The following RBL2 variants were observed in gnomAD, a reference collection of about 807,000 sequenced individuals.
RBL2 encodes retinoblastoma-like protein 2.
A neutral mutation model predicts 126.0 loss-of-function variants in RBL2; 56 were observed. That is an observed-to-expected ratio of 0.44 (90% CI 0.36 to 0.56). The LOEUF is 0.56. Ranked by LOEUF, RBL2 falls within the 20% of genes least tolerant of loss-of-function variation. The pLI, the probability that RBL2 is intolerant of heterozygous loss-of-function variation, is 0.00. For missense variants in RBL2, 1,229 were observed against 1,398.2 expected (o/e 0.88, Z 1.93); for synonymous variants, 454 against 478.5 (o/e 0.95, Z 0.67).
At chr16:53,463,550 A>AT (rs972688342) in intron 11 of RBL2, among the ~76,000 whole-genome samples, 7 of 87,330 alleles carry the variant, frequency 8.0e-5, no homozygotes, top group South Asian at 3.5e-4. Context: ...CCCTTTCAAT[A>AT]TTTTTTTTTC....
chr16:53,477,085 T>C (rs552756568), intron 17 of RBL2, among the ~76,000 whole-genome samples: 63 of 145,222 alleles, frequency 4.3e-4, no homozygotes, highest in African/African-American at 1.6e-3. Context: ...GTGTGTGTAG[T>C]GGTTGCCCTA....
In RBL2 at chr16:53,453,636, C is replaced by T. The variant is rs137977515; in HGVS notation, c.927+24C>T. On this transcript the variant is annotated intron_variant, in intron 6 of 21. Coordinates refer to ENST00000262133, the MANE Select transcript of RBL2 (RefSeq NM_005611.4). ...AGGTTTGTAAGTAGCAAAGAAATAA[C>T]GTGAAAATGTTTTCTGGAGAAAAAC... is the stretch of plus-strand genomic sequence containing the variant. 1,964 of 1,603,646 alleles carry T rather than the reference C, an allele frequency of 1.2e-3. 16 individuals are homozygous for T. In the African/African-American group the frequency reaches 0.022, roughly 18 times the overall value.
At chr16:53,448,569 C>T (rs764721572) in intron 4 of RBL2, among the ~76,000 whole-genome samples, 4 of 152,278 alleles carry the variant, frequency 2.6e-5, no homozygotes, top group Middle Eastern at 3.4e-3. Flanking sequence ...CTGCAACCTC[C>T]GCCTCTTGTG....
chr16:53,453,664 G>C, intron 6 of RBL2, 41 bp from the exon 7 acceptor site: 1 of 1,602,730 alleles, frequency 6.2e-7, no homozygotes, highest in Non-Finnish European at 8.5e-7. Context: ...AGAAAAACTT[G>C]ATTTAACATG....
intron 21 of RBL2, chr16:53,488,411 CAGAGGA>C (rs1567750941): frequency 6.6e-6 from 1 of 152,132 alleles, no homozygotes. Context: ...GGGATTTTTT[CAGAGGA>C]ACAGTTTTAT....
Position 53,453,699 on chromosome 16 carries a change from T to G in RBL2, c.928-6T>G. ...GACGACTTAAGGATCTCTTCTTTCA[T>G]CATAGCTCCTTAAGGGAAAAGAAGA... On this transcript the variant is annotated splice_polypyrimidine_tract_variant and splice_region_variant and intron_variant, in intron 6 of 21. Transcript: ENST00000262133. The G allele has an allele frequency of 6.2e-7, 1 of 1,609,062 alleles. No individual in the cohort carries two copies. Among genetic ancestry groups the G allele is most frequent in the Non-Finnish European group, 8.5e-7 (1 of 1,178,190 alleles).
At chr16:53,481,522 AT>A in intron 20 of RBL2, 148 bp from the exon 21 acceptor site, 1 of 701,434 alleles carries the variant, frequency 1.4e-6, no homozygotes, top group Non-Finnish European at 2.2e-6. Context: ...CTATTAGAAT[AT>A]TTTTCTTTAG....
intron 21 of RBL2, 121 bp downstream of exon 21, chr16:53,481,956 A>G: frequency 8.7e-7 from 1 of 1,153,236 alleles, no homozygotes; most frequent in Non-Finnish European, 1.2e-6. Context: ...AGCAGTGATC[A>G]GTCAGTCCTC....
At chr16:53,436,392 A>G (rs1424006710) in intron 1 of RBL2, among the ~76,000 whole-genome samples, 1 of 152,128 alleles carries the variant, frequency 6.6e-6, no homozygotes, top group Non-Finnish European at 1.5e-5. Context: ...TTGATTACTC[A>G]ATTCTTTTGA....
At chr16:53,438,818 T>C (rs924290842) in intron 1 of RBL2, among the ~76,000 whole-genome samples, 198 bp from the exon 2 acceptor site, 4 of 113,700 alleles carry the variant, frequency 3.5e-5, no homozygotes, top group Admixed American at 1.4e-4. Flanking sequence ...CACTCCAGCC[T>C]GGGTGACAGA....
rs74017234 is a variant in RBL2 at position 53,472,931 on chromosome 16, T to A, written c.2703+2009T>A. On this transcript the variant is annotated intron_variant, in intron 17 of 21. Transcript: ENST00000262133. ...CTGATTATGTGGTTGTGCAGTTGTC[T>A]CAGCACCATTGTTGAAAAGAAGATT... Among the ~76,000 whole-genome samples the A allele has an allele frequency of 8.4e-3, 1,286 of 152,310 alleles. 22 individuals carry two copies. Among genetic ancestry groups the A allele is most frequent in the African/African-American group, 0.029 (1,200 of 41,574 alleles).
intron 2 of RBL2, among the ~76,000 whole-genome samples, chr16:53,441,329 G>A (rs2058013914): frequency 6.6e-6 from 1 of 152,044 alleles, no homozygotes; most frequent in South Asian, 2.1e-4. Flanking sequence ...TAGCAAATTT[G>A]GTGGTATCTA....
At chr16:53,485,108 A>T (rs1961113362) in intron 21 of RBL2, among the ~76,000 whole-genome samples, 1 of 152,228 alleles carries the variant, frequency 6.6e-6, no homozygotes, top group South Asian at 2.1e-4. Context: ...ACTGATTGAC[A>T]TTTATAGAAC....
rs1243881725 is a variant in RBL2, at chr16:53,470,111, G to A, written c.2171G>A (p.Gly724Glu). 7 of 1,613,824 alleles carry A rather than the reference G, an allele frequency of 4.3e-6. No individual in the cohort carries two copies. Among genetic ancestry groups the A allele is most frequent in the African/African-American group, 1.3e-5 (1 of 74,918 alleles). The change falls in exon 15 of 22, where the codon GGA (glycine) becomes GAA (glutamate). Residue 724 changes from glycine (G) to glutamate (E), a missense_variant. By Grantham distance (98) the Gly-to-Glu change is moderately conservative. Transcript: ENST00000262133. ...ACTGTTTCTGTCACACCAGTTCCTGGACAGACTTTGGTCACCATGGCAACC... is the reference window on the plus strand; with the variant it reads ...ACTGTTTCTGTCACACCAGTTCCTGAACAGACTTTGGTCACCATGGCAACC... ...GETVSVTPVP[G>E]QTLVTMATAT...
At chr16:53,442,306 T>C (rs2058024354) in intron 2 of RBL2, among the ~76,000 whole-genome samples, 1 of 152,084 alleles carries the variant, frequency 6.6e-6, no homozygotes, top group South Asian at 2.1e-4. Flanking sequence ...ACCCTATCTC[T>C]TACAAAAACA....
At chr16:53,473,823 T>A (rs1374990117) in intron 17 of RBL2, among the ~76,000 whole-genome samples, 1 of 152,086 alleles carries the variant, frequency 6.6e-6, no homozygotes, top group Admixed American at 6.6e-5. Flanking sequence ...CTTCTTTTCT[T>A]AGTTCATTGA....
chr16:53,489,989 T>C (rs976064251), intron 21 of RBL2, 141 bp from the exon 22 acceptor site: 1 of 576,756 alleles, frequency 1.7e-6, no homozygotes, highest in African/African-American at 1.9e-5. Context: ...TGGCAGGTTA[T>C]GTAACTTAGT....
At chr16:53,451,268 G>A (rs2058112014) in intron 4 of RBL2, among the ~76,000 whole-genome samples, 1 of 152,110 alleles carries the variant, frequency 6.6e-6, no homozygotes, top group South Asian at 2.1e-4. Context: ...CACTTTGGGA[G>A]GCCAAGGCAG....
In RBL2 at chr16:53,461,191, G is replaced by T. The variant is rs369476471; in HGVS notation, c.1347-550G>T. Among the ~76,000 whole-genome samples, 3 of 152,224 alleles carry T rather than the reference G, an allele frequency of 2.0e-5. No individual in the cohort carries two copies. The South Asian group carries it at 6.2e-4, about 32-fold the overall frequency. ...CCAGGCCAAGGTTGCTAAACTTCCT[G>T]CACTGAAAGGTGTATCCCCGGCCGG... On this transcript the variant is annotated intron_variant, in intron 9 of 21. Coordinates refer to ENST00000262133, the MANE Select transcript of RBL2 (RefSeq NM_005611.4).
Sources: allele counts gnomAD v4.1 joint callset (sites outside exome capture counted in the v4.1 genomes callset), GRCh38; gene constraint gnomAD v4.1.1; transcripts MANE v1.5; gene names NCBI Gene and HGNC (gene_info 2026-07-23, HGNC 2026-07-21).